Variants in LEPR observed in about 807,000 individuals in gnomAD.
The protein encoded by LEPR is OB receptor.
A neutral mutation model predicts 114.7 loss-of-function variants in LEPR; 56 were observed. The ratio of observed to expected loss-of-function variants is 0.49; its 90% CI spans 0.39 to 0.61. The LOEUF (loss-of-function observed/expected upper bound fraction) is 0.61, where lower values mean the gene tolerates loss of function less well. LEPR is among the 20% of genes least tolerant of loss of function. The pLI, the probability that LEPR is intolerant of heterozygous loss-of-function variation, is 0.00. For synonymous variants in LEPR, 443 were observed against 461.4 expected (o/e 0.96, Z 0.51); for missense variants, 1,202 against 1,352.9 (o/e 0.89, Z 1.75).
At chr1:65,549,886 G>T (rs535377439) in intron 2 of LEPR, among the ~76,000 whole-genome samples, 4 of 152,118 alleles carry the variant, frequency 2.6e-5, no homozygotes, top group Non-Finnish European at 5.9e-5. Context: ...GAGGAGAGGC[G>T]CTCTGCTTTT....
At chr1:65,538,704 G>A (rs1196754085) in intron 2 of LEPR, among the ~76,000 whole-genome samples, 3 of 151,838 alleles carry the variant, frequency 2.0e-5, no homozygotes, top group Non-Finnish European at 4.4e-5. Context: ...TACTCCTTTA[G>A]TGATTTTTTT....
rs1488766543 is a variant in LEPR, at chr1:65,592,833, C to T, written c.671C>T (p.Ser224Leu). ...KITSGGVIFQSPLMSVQPINM... is the reference protein window; with the variant it reads ...KITSGGVIFQLPLMSVQPINM... ...ACATCTGGTGGAGTAATTTTCCAGT[C>T]ACCTCTAATGTCAGTTCAGCCCATA... Residue 224 changes from serine to leucine, a missense_variant, in exon 6 of 20, where the codon TCA (serine) becomes TTA (leucine). Coordinates refer to ENST00000349533, the MANE Select transcript of LEPR (RefSeq NM_002303.6). 1.2e-6 allele frequency: 2 copies of T among 1,613,004 alleles called. No homozygotes were observed. The highest frequency in any genetic ancestry group is 1.7e-6 in the Non-Finnish European group (2 of 1,179,352).
At chr1:65,628,001 C>T (rs922657889) in intron 19 of LEPR, among the ~76,000 whole-genome samples, 1 of 152,066 alleles carries the variant, frequency 6.6e-6, no homozygotes, top group Non-Finnish European at 1.5e-5. Context: ...TTTTCCTTCC[C>T]CTTGGTTTAT....
At chr1:65,434,694 TTC>T in intron 2 of LEPR, 1 of 985,440 alleles carries the variant, frequency 1.0e-6, no homozygotes, top group African/African-American at 1.7e-5. Flanking sequence ...CTTTTAATTT[TTC>T]CACTCATTTT....
intron 14 of LEPR, among the ~76,000 whole-genome samples, chr1:65,614,372 G>C (rs1364041156): frequency 6.6e-6 from 1 of 152,200 alleles, no homozygotes; most frequent in Non-Finnish European, 1.5e-5. Flanking sequence ...ACTGTAAACT[G>C]TGACAAAGGA....
intron 2 of LEPR, among the ~76,000 whole-genome samples, chr1:65,478,478 G>A (rs1222556431): frequency 1.3e-5 from 2 of 152,160 alleles, no homozygotes; most frequent in Non-Finnish European, 2.9e-5. Context: ...GCTTCAGGGA[G>A]ATGTATTTAG....
At chr1:65,457,567 G>T (rs1003818812) in intron 2 of LEPR, among the ~76,000 whole-genome samples, 12 of 152,164 alleles carry the variant, frequency 7.9e-5, no homozygotes, top group African/African-American at 2.9e-4. Flanking sequence ...GTGCAATTTT[G>T]TTACACGCAT....
intron 2 of LEPR, among the ~76,000 whole-genome samples, chr1:65,446,255 C>T (rs893909232): frequency 6.6e-6 from 1 of 152,200 alleles, no homozygotes; most frequent in East Asian, 1.9e-4. Flanking sequence ...TCTGCATGCT[C>T]ATCAGTAAAT....
rs551796888 is a variant in LEPR, at chr1:65,572,307, T to G, written c.371-19T>G. ...ATGTAGTTGTTTTTTTTTTTTTTTT[T>G]TTTTTTTTTTAAATTCAGATGCAAA... On this transcript the variant is annotated intron_variant, in intron 4 of 19. Transcript: ENST00000349533. The G allele has an allele frequency of 8.3e-5, 121 of 1,452,258 alleles. 1 individual carries two copies. The highest frequency in any genetic ancestry group is 5.3e-5 in the Admixed American group (2 of 37,488). 90.0% of individuals were successfully genotyped at this position (1,452,258 alleles called of 1,614,324 possible). A position where few individuals can be genotyped will look rare whatever the true frequency, so the allele number is the denominator to read the frequency against.
intron 2 of LEPR, among the ~76,000 whole-genome samples, chr1:65,529,627 A>C (rs1650248112): frequency 6.6e-6 from 1 of 152,060 alleles, no homozygotes; most frequent in African/African-American, 2.4e-5. Context: ...GTTAAAAAAA[A>C]CTCATTCCTA....
chr1:65,495,128 C>G (rs574697312), intron 2 of LEPR, among the ~76,000 whole-genome samples: 14 of 152,170 alleles, frequency 9.2e-5, no homozygotes, highest in African/African-American at 3.4e-4. Flanking sequence ...AAGAGACAAT[C>G]TACAGAATAG....
intron 2 of LEPR, among the ~76,000 whole-genome samples, chr1:65,542,104 C>T (rs1391826026): frequency 6.6e-6 from 1 of 152,056 alleles, no homozygotes; most frequent in Admixed American, 6.6e-5. Context: ...GAAGAGTAAG[C>T]ATGATTAATA....
At position 65,610,111 on chromosome 1, in the gene LEPR, G is replaced by A. The variant is rs754945961; in HGVS notation, c.1912+5G>A. On this transcript the variant is annotated splice_donor_5th_base_variant and intron_variant, in intron 13 of 19. Coordinates refer to ENST00000349533, the MANE Select transcript of LEPR (RefSeq NM_002303.6). ...CAGTTGTCATGGATATAAAAGGTCT[G>A]CAGAGATTTTGTAAATGTGTTTTGA... 2 of 1,614,054 alleles carry A rather than the reference G, an allele frequency of 1.2e-6. No individual in the cohort carries two copies. Among genetic ancestry groups the A allele is most frequent in the Non-Finnish European group, 1.7e-6 (2 of 1,180,016 alleles).
At chr1:65,519,320 T>A (rs1649514659) in intron 2 of LEPR, among the ~76,000 whole-genome samples, 1 of 151,844 alleles carries the variant, frequency 6.6e-6, no homozygotes, top group Admixed American at 6.6e-5. Context: ...CTGCTAATTT[T>A]TGTATTTTCA....
chr1:65,460,257 T>C (rs992847774), intron 2 of LEPR, among the ~76,000 whole-genome samples: 16 of 152,168 alleles, frequency 1.1e-4, no homozygotes, highest in Admixed American at 4.6e-4. Context: ...AGAAAGTAAC[T>C]TTCCCAAAGA....
intron 2 of LEPR, among the ~76,000 whole-genome samples, chr1:65,553,142 C>A (rs570085871): frequency 6.6e-6 from 1 of 152,164 alleles, no homozygotes; most frequent in African/African-American, 2.4e-5. Flanking sequence ...TCTGGCTGCC[C>A]TTGACGTTTT....
At chr1:65,583,522 C>A (rs866828887) in intron 5 of LEPR, among the ~76,000 whole-genome samples, 12 of 152,122 alleles carry the variant, frequency 7.9e-5, no homozygotes, top group African/African-American at 2.9e-4. Flanking sequence ...AAGGTGGGGC[C>A]AAATTAGCCT....
intron 2 of LEPR, chr1:65,430,263 G>A (rs1490078247): frequency 2.3e-5 from 9 of 388,302 alleles, no homozygotes; most frequent in South Asian, 1.1e-4. Flanking sequence ...TTAGCCAGAC[G>A]ATATGATTTC....
intron 14 of LEPR, among the ~76,000 whole-genome samples, chr1:65,615,025 G>GT (rs150117458): frequency 0.13 from 19,840 of 150,796 alleles, 1,692 homozygotes; most frequent in Middle Eastern, 0.24. Flanking sequence ...AAACTGACAT[G>GT]TTTTTTTTTC....
Sources: gnomAD v4.1 joint callset for allele counts (sites outside exome capture counted in the v4.1 genomes callset) on GRCh38, gnomAD v4.1.1 for gene constraint, MANE v1.5 for transcripts, NCBI Gene and HGNC (gene_info 2026-07-23, HGNC 2026-07-21) for gene names.